MDFIC: variants seen among roughly 807,000 people sequenced by gnomAD.
MDFIC encodes the protein myoD family inhibitor domain-containing protein.
MDFIC carries 17 observed loss-of-function variants against 23.2 expected under a neutral mutation model. The observed-to-expected ratio is 0.73, with a 90% CI of 0.50 to 1.10. The LOEUF (loss-of-function observed/expected upper bound fraction) is 1.10, where lower values mean the gene tolerates loss of function less well. MDFIC is among the 50% of genes least tolerant of loss of function. The pLI, the probability that MDFIC is intolerant of heterozygous loss-of-function variation, is 0.00. For missense variants in MDFIC, 356 were observed against 316.6 expected, an observed-to-expected ratio of 1.12 and a Z score of -0.95; for synonymous variants, 120 against 115.2, an observed-to-expected ratio of 1.04 and a Z score of -0.27.
At chr7:114,940,410 G>A (rs929164241) in intron 2 of MDFIC, among the ~76,000 whole-genome samples, 1 of 152,230 alleles carries the variant, frequency 6.6e-6, no homozygotes, top group Non-Finnish European at 1.5e-5. Flanking sequence ...TGTTAACACG[G>A]TTGACTAACA....
intron 3 of MDFIC, among the ~76,000 whole-genome samples, chr7:114,947,309 C>T (rs1792666554): frequency 6.6e-6 from 1 of 152,158 alleles, no homozygotes; most frequent in Non-Finnish European, 1.5e-5. Flanking sequence ...TCTTTTCCTC[C>T]TCCATTTGGC....
At chr7:114,999,480 A>G (rs992684401) in intron 4 of MDFIC, among the ~76,000 whole-genome samples, 3 of 152,038 alleles carry the variant, frequency 2.0e-5, no homozygotes, top group Non-Finnish European at 4.4e-5. Context: ...AACTAACTGA[A>G]GCAACATAGA....
At chr7:114,925,882 C>G (rs778740064) in intron 2 of MDFIC, among the ~76,000 whole-genome samples, 3 of 152,184 alleles carry the variant, frequency 2.0e-5, no homozygotes, top group Non-Finnish European at 4.4e-5. Context: ...AATTTGTGAT[C>G]TCTCATACAG....
Position 114,923,059 on chromosome 7 carries a change from C to A in MDFIC, c.26C>A (p.Ala9Asp), listed in dbSNP as rs1298146972. 1.4e-6 allele frequency: 2 copies of A among 1,391,224 alleles called. No homozygotes were observed. The highest frequency in any genetic ancestry group is 1.9e-6 in the Non-Finnish European group (2 of 1,074,672). 86.2% of individuals were successfully genotyped at this position (1,391,224 alleles called of 1,614,324 possible). A position where few individuals can be genotyped will look rare whatever the true frequency, so the allele number is the denominator to read the frequency against. MSGAGEAL[A>D]PGPVGPQRVA... ...ATGTCCGGCGCGGGCGAAGCCCTCGCTCCCGGGCCCGTGGGGCCGCAGCGC... is the reference window on the plus strand; with the variant it reads ...ATGTCCGGCGCGGGCGAAGCCCTCGATCCCGGGCCCGTGGGGCCGCAGCGC... Residue 9 changes from alanine to aspartate, a missense_variant, in exon 2 of 5, where the codon GCT becomes GAT. By Grantham distance (126) the Ala-to-Asp change is moderately radical (BLOSUM62 -2). Transcript: ENST00000393486.
intron 3 of MDFIC, among the ~76,000 whole-genome samples, chr7:114,961,132 G>A (rs938500140): frequency 1.3e-5 from 2 of 152,142 alleles, no homozygotes; most frequent in Non-Finnish European, 2.9e-5. Flanking sequence ...AAGCATGGGA[G>A]TGTCATACTA....
At chr7:114,971,473 TC>T (rs376949427) in intron 3 of MDFIC, among the ~76,000 whole-genome samples, 1 of 152,196 alleles carries the variant, frequency 6.6e-6, no homozygotes, top group African/African-American at 2.4e-5. Context: ...GTCTGGGACC[TC>T]TATCAGAAAA....
chr7:114,988,501 G>T (rs961503937), intron 4 of MDFIC, among the ~76,000 whole-genome samples: 3 of 152,162 alleles, frequency 2.0e-5, no homozygotes, highest in Admixed American at 6.5e-5. Flanking sequence ...GTCAAGTGCA[G>T]GTAATAGAGG....
rs770790372 is a variant in MDFIC at position 114,922,982 on chromosome 7, C to G, written c.-52C>G. 1 of 1,538,636 alleles carries G rather than the reference C, an allele frequency of 6.5e-7. No homozygotes were observed. The highest frequency in any genetic ancestry group is 8.7e-7 in the Non-Finnish European group (1 of 1,144,010). ...ACAGCCCTTCCTCCGTGCGCCCTGC[C>G]GGGCGGCGAGCTAGGCGGCAGCGGC... On this transcript the variant is annotated 5_prime_UTR_variant, in exon 2 of 5. Coordinates refer to ENST00000393486, the MANE Select transcript of MDFIC (RefSeq NM_001166345.3).
At chr7:114,958,187 A>G (rs1792919159) in intron 3 of MDFIC, among the ~76,000 whole-genome samples, 1 of 152,206 alleles carries the variant, frequency 6.6e-6, no homozygotes, top group Non-Finnish European at 1.5e-5. Flanking sequence ...AATATCATAA[A>G]CTAAACTGTT....
intron 2 of MDFIC, among the ~76,000 whole-genome samples, chr7:114,941,974 AC>A (rs958986919): frequency 2.8e-4 from 42 of 152,220 alleles, no homozygotes; most frequent in African/African-American, 1.0e-3. Flanking sequence ...GCTTCCTGTA[AC>A]CTTTTCACAT....
chr7:114,958,576 C>A (rs986879667), intron 3 of MDFIC, among the ~76,000 whole-genome samples: 4 of 152,136 alleles, frequency 2.6e-5, no homozygotes, highest in Admixed American at 2.6e-4. Context: ...TGTTGTGAAA[C>A]CCCATCTCTA....
At chr7:114,938,068 T>A (rs1210549180) in intron 2 of MDFIC, among the ~76,000 whole-genome samples, 2 of 152,180 alleles carry the variant, frequency 1.3e-5, no homozygotes, top group Non-Finnish European at 2.9e-5. Context: ...GCAATTCTCC[T>A]GCCTCAGCCT....
chr7:114,948,506 G>A (rs574571973), intron 3 of MDFIC, among the ~76,000 whole-genome samples: 44 of 151,960 alleles, frequency 2.9e-4, no homozygotes, highest in Non-Finnish European at 5.7e-4. Flanking sequence ...AATTCGAGAC[G>A]ACCTTACTTC....
At chr7:115,007,939 C>T (rs1025509689) in intron 4 of MDFIC, among the ~76,000 whole-genome samples, 6 of 150,520 alleles carry the variant, frequency 4.0e-5, no homozygotes, top group African/African-American at 9.8e-5. Flanking sequence ...TCAAGGGATC[C>T]GCCCACCTTG....
chr7:115,008,489 C>G (rs1791616613), intron 4 of MDFIC, among the ~76,000 whole-genome samples: 1 of 152,154 alleles, frequency 6.6e-6, no homozygotes. Flanking sequence ...TGGATTCTGG[C>G]TAAGATGTGT....
In MDFIC at chr7:114,995,874, G is replaced by A. The variant is rs141882728; in HGVS notation, c.493+16093G>A. The stretch of plus-strand genomic sequence containing the variant: ...AGAACCACTACTTCAAAGCTCAGTT[G>A]GAAATGCAGAAATCACCTGTCTTCT... On this transcript the variant is annotated intron_variant, in intron 4 of 4. Coordinates refer to ENST00000393486, the MANE Select transcript of MDFIC (RefSeq NM_001166345.3). 4.4e-3 allele frequency among the ~76,000 whole-genome samples: 669 copies of A among 152,228 alleles called. 3 individuals are homozygous for A. The highest frequency in any genetic ancestry group is 0.015 in the African/African-American group (644 of 41,556).
chr7:115,006,482 C>T (rs1014205741), intron 4 of MDFIC, among the ~76,000 whole-genome samples: 2 of 152,088 alleles, frequency 1.3e-5, no homozygotes, highest in African/African-American at 4.8e-5. Context: ...CAGAATCACC[C>T]AGTGGGTACA....
At chr7:114,961,833 A>AAC in intron 3 of MDFIC, among the ~76,000 whole-genome samples, 1 of 152,280 alleles carries the variant, frequency 6.6e-6, no homozygotes, top group East Asian at 1.9e-4. Flanking sequence ...ACCCGCTCCT[A>AAC]CAACACTGGA....
At chr7:114,997,449 C>T (rs1396649956) in intron 4 of MDFIC, among the ~76,000 whole-genome samples, 1 of 151,240 alleles carries the variant, frequency 6.6e-6, no homozygotes, top group African/African-American at 2.4e-5. Context: ...TTATCTCTCT[C>T]AGATTTTAAA....
Sources: allele counts gnomAD v4.1 joint callset (sites outside exome capture counted in the v4.1 genomes callset), GRCh38; gene constraint gnomAD v4.1.1; transcripts MANE v1.5; gene names NCBI Gene and HGNC (gene_info 2026-07-23, HGNC 2026-07-21).